TBCD: variants seen among roughly 807,000 people sequenced by gnomAD.
The protein encoded by TBCD is tubulin folding cofactor D, also known as tubulin-specific chaperone D.
In TBCD, 105 loss-of-function variants were observed where a neutral mutation model predicts 169.3. The ratio of observed to expected loss-of-function variants is 0.62; its 90% CI spans 0.53 to 0.73. The LOEUF (loss-of-function observed/expected upper bound fraction) is 0.73, where lower values mean the gene tolerates loss of function less well. Ranked by LOEUF, TBCD falls within the 30% of genes least tolerant of loss-of-function variation. The pLI, the probability that TBCD is intolerant of heterozygous loss-of-function variation, is 0.00. For synonymous variants in TBCD, 700 were observed against 643.9 expected (o/e 1.09, Z -1.32); for missense variants, 1,444 against 1,600.1 (o/e 0.90, Z 1.66).
chr17:82,863,874 T>C (rs2056969834), intron 13 of TBCD, among the ~76,000 whole-genome samples: 1 of 152,226 alleles, frequency 6.6e-6, no homozygotes, highest in African/African-American at 2.4e-5. Flanking sequence ...AGTTCAGTCC[T>C]GTCTGGTTTT....
chr17:82,926,668 A>T (rs761787131), intron 28 of TBCD, among the ~76,000 whole-genome samples, 177 bp downstream of exon 28: 28 of 152,320 alleles, frequency 1.8e-4, no homozygotes, highest in Middle Eastern at 3.4e-3. Flanking sequence ...TCTTGCTGTC[A>T]TAGTCGTAGT....
intron 34 of TBCD, among the ~76,000 whole-genome samples, chr17:82,936,760 C>T (rs1599708326): frequency 6.6e-6 from 1 of 152,178 alleles, no homozygotes; most frequent in East Asian, 1.9e-4. Context: ...TTCCAGGTGC[C>T]CTCTCAGAGC....
At chr17:82,892,555 C>G (rs1399829832) in intron 16 of TBCD, among the ~76,000 whole-genome samples, 1 of 152,058 alleles carries the variant, frequency 6.6e-6, no homozygotes, top group Non-Finnish European at 1.5e-5. Flanking sequence ...GGATGTGGCC[C>G]CGGGTGTTCT....
At chr17:82,897,881 A>C (rs1168076709) in intron 17 of TBCD, among the ~76,000 whole-genome samples, 1 of 152,134 alleles carries the variant, frequency 6.6e-6, no homozygotes, top group Non-Finnish European at 1.5e-5. Flanking sequence ...ATGTGAGCAC[A>C]CGGCACAGCT....
chr17:82,773,804 G>C (rs1053832602), intron 6 of TBCD, among the ~76,000 whole-genome samples: 6 of 151,664 alleles, frequency 4.0e-5, no homozygotes, highest in African/African-American at 1.5e-4. Flanking sequence ...TCGGCTCACT[G>C]CAAGCTCTGC....
chr17:82,873,697 C>T (rs1019266124), intron 14 of TBCD, among the ~76,000 whole-genome samples: 1 of 152,122 alleles, frequency 6.6e-6, no homozygotes, highest in African/African-American at 2.4e-5. Context: ...TGCCGATGCG[C>T]GGGGAGCCTG....
At chr17:82,761,875 G>A (rs543621309) in intron 2 of TBCD, among the ~76,000 whole-genome samples, 4 of 151,390 alleles carry the variant, frequency 2.6e-5, no homozygotes, top group African/African-American at 9.7e-5. Flanking sequence ...ACGGGTGCCC[G>A]CCAACACACC....
At chr17:82,807,569 G>A (rs1337230634) in intron 10 of TBCD, 39 bp from the exon 11 acceptor site, 10 of 1,433,418 alleles carry the variant, frequency 7.0e-6, no homozygotes, top group African/African-American at 4.3e-5. Flanking sequence ...TAGGAACTTT[G>A]TGTGGACTCT....
chr17:82,807,575 A>G, intron 10 of TBCD, 33 bp from the exon 11 acceptor site: 3 of 1,448,202 alleles, frequency 2.1e-6, no homozygotes, highest in Non-Finnish European at 2.7e-6. Flanking sequence ...CTTTGTGTGG[A>G]CTCTGTCACG....
chr17:82,844,021 A>G (rs2054779143), intron 13 of TBCD, among the ~76,000 whole-genome samples: 1 of 152,202 alleles, frequency 6.6e-6, no homozygotes, highest in South Asian at 2.1e-4. Context: ...TCTTAACTTT[A>G]TATTTCAACA....
At chr17:82,918,911 TTGAG>T (rs1222387290) in intron 23 of TBCD, 1 of 152,242 alleles carries the variant, frequency 6.6e-6, no homozygotes, top group African/African-American at 2.4e-5. Context: ...GGCGTGTCAC[TTGAG>T]TGAGTGATGG....
intron 17 of TBCD, 51 bp from the exon 18 acceptor site, chr17:82,900,600 T>A (rs1177412036): frequency 6.9e-7 from 1 of 1,448,720 alleles, no homozygotes; most frequent in East Asian, 2.3e-5. Flanking sequence ...CCACAGGCAG[T>A]GAGTTCTCGT....
chr17:82,888,261 G>C (rs1386552282), intron 15 of TBCD, among the ~76,000 whole-genome samples: 14 of 152,326 alleles, frequency 9.2e-5, no homozygotes, highest in Admixed American at 6.5e-4. Flanking sequence ...TGTGTGACGG[G>C]CTGTGCTGCG....
chr17:82,776,259 T>TCTTGG (rs1432040604), intron 6 of TBCD, among the ~76,000 whole-genome samples: 1 of 151,624 alleles, frequency 6.6e-6, no homozygotes, highest in Non-Finnish European at 1.5e-5. Flanking sequence ...AAGTTGGAAA[T>TCTTGG]CTTGGCGTGG....
Position 82,764,058 on chromosome 17 carries a change from C to T in TBCD, c.329C>T (p.Thr110Ile), listed in dbSNP as rs778520826. ...GCTTTTAAATTTCTTTACATCATCA[C>T]CAAGGTAACATTTCCATAGCACTTC... ...HLAFKFLYII[T>I]KVRGYKTFLR... The change falls in exon 3 of 39, where the codon ACC (threonine) becomes ATC (isoleucine). Residue 110 changes from threonine to isoleucine, a missense_variant. Transcript: ENST00000355528. 6.2e-6 allele frequency: 10 copies of T among 1,612,428 alleles called. No individual in the cohort carries two copies. The East Asian group carries it at 1.8e-4, about 29-fold the overall frequency.
chr17:82,931,529 C>CAACAG (rs2062212309), intron 33 of TBCD, among the ~76,000 whole-genome samples: 1 of 151,184 alleles, frequency 6.6e-6, no homozygotes, highest in Non-Finnish European at 1.5e-5. Flanking sequence ...TTGCCGTTCG[C>CAACAG]TCATTCCTCC....
rs536492685 is a variant in TBCD, at chr17:82,920,712, G to A, written c.2101+94G>A. 7.6e-5 allele frequency: 83 copies of A among 1,095,842 alleles called. 2 individuals carry two copies. In the South Asian group the frequency reaches 9.5e-4, roughly 13 times the overall value. 67.9% of individuals were successfully genotyped at this position (1,095,842 alleles called of 1,614,324 possible). The stretch of plus-strand genomic sequence containing the variant: ...ACCTGTTAGGATGGGGGCGATAAAC[G>A]ATTATAGCTTAAAGGTTCAAGATAT... On this transcript the variant is annotated intron_variant, in intron 24 of 38. Coordinates refer to ENST00000355528, the MANE Select transcript of TBCD (RefSeq NM_005993.5). The surrounding 1 kb of genome is among the most constrained non-coding windows in gnomAD (Gnocchi z 4.1).
At chr17:82,881,825 C>A (rs149823075) in intron 14 of TBCD, among the ~76,000 whole-genome samples, 9 of 152,246 alleles carry the variant, frequency 5.9e-5, no homozygotes, top group Non-Finnish European at 1.2e-4. Context: ...AACTTCCTAC[C>A]CTTTCCATCT....
At chr17:82,803,852 C>A (rs890376459) in intron 9 of TBCD, among the ~76,000 whole-genome samples, 2 of 137,732 alleles carry the variant, frequency 1.5e-5, no homozygotes, top group African/African-American at 5.4e-5. Flanking sequence ...TGGGGTGCAC[C>A]GGTCTGTGGG....
Sources: allele counts gnomAD v4.1 joint callset (sites outside exome capture counted in the v4.1 genomes callset), GRCh38; gene constraint gnomAD v4.1.1; non-coding constraint Gnocchi (gnomAD v3.1); transcripts MANE v1.5; gene names NCBI Gene and HGNC (gene_info 2026-07-23, HGNC 2026-07-21).